The following EEF2K variants were observed in gnomAD, a reference collection of about 807,000 sequenced individuals.
EEF2K encodes the protein alternative protein EEF2K.
A neutral mutation model predicts 93.8 loss-of-function variants in EEF2K; 70 were observed. That is an observed-to-expected ratio of 0.75 (90% CI 0.62 to 0.91). The LOEUF (loss-of-function observed/expected upper bound fraction) is 0.91, where lower values mean the gene tolerates loss of function less well. Ranked by LOEUF, EEF2K falls within the 40% of genes least tolerant of loss-of-function variation. The pLI is 0.00. For missense variants in EEF2K, 935 were observed against 972.9 expected (o/e 0.96, Z 0.52); for synonymous variants, 376 against 380.8 (o/e 0.99, Z 0.15).
At position 22,251,236 on chromosome 16, in the gene EEF2K, C is replaced by G. The variant is rs748609190; in HGVS notation, c.532C>G (p.Arg178Gly). ...VAKRYIEPVD[R>G]DVYFEDVRLQ... ...GAAGCGCTACATCGAGCCCGTAGAC[C>G]GGGATGTGTACTTTGAGGACGTGCG... The change falls in exon 6 of 18, where the codon CGG (arginine) becomes GGG (glycine). Residue 178 changes from arginine to glycine, a missense_variant. By Grantham distance (125) the Arg-to-Gly change is moderately radical (BLOSUM62 -2). Transcript: ENST00000263026. 6.2e-7 allele frequency: 1 copy of G among 1,613,954 alleles called. No individual in the cohort carries two copies. The highest frequency in any genetic ancestry group is 8.5e-7 in the Non-Finnish European group (1 of 1,180,022).
At chr16:22,217,228 T>TAGAGAG (rs146522060) in intron 1 of EEF2K, among the ~76,000 whole-genome samples, 8,847 of 135,994 alleles carry the variant, frequency 0.065, 345 homozygotes, top group South Asian at 0.11. Flanking sequence ...GATAGATAGA[T>TAGAGAG]AGAGAGAGAG....
chr16:22,273,603 C>T (rs1438962689), intron 15 of EEF2K, 23 bp from the exon 16 acceptor site: 1 of 1,612,886 alleles, frequency 6.2e-7, no homozygotes, highest in South Asian at 1.1e-5. Context: ...TCTTCTTTCT[C>T]CCTCTTTGGT....
intron 1 of EEF2K, among the ~76,000 whole-genome samples, chr16:22,210,107 A>G (rs1181959933): frequency 6.6e-6 from 1 of 152,204 alleles, no homozygotes; most frequent in Non-Finnish European, 1.5e-5. Context: ...AGAAGGCTTC[A>G]GACAAAGGAA....
intron 11 of EEF2K, among the ~76,000 whole-genome samples, chr16:22,261,689 C>CA (rs540197847): frequency 0.033 from 2,881 of 87,910 alleles, 41 homozygotes; most frequent in African/African-American, 0.051. Context: ...GACTCAGTCT[C>CA]AAAAAAAAAA....
chr16:22,280,065 G>T, intron 16 of EEF2K, 133 bp from the exon 17 acceptor site: 1 of 798,618 alleles, frequency 1.3e-6, no homozygotes. Context: ...ATTGGCCTTG[G>T]ACAAGATAGG....
At chr16:22,239,703 C>T (rs1048348647) in intron 2 of EEF2K, among the ~76,000 whole-genome samples, 9 of 152,136 alleles carry the variant, frequency 5.9e-5, no homozygotes, top group Non-Finnish European at 8.8e-5. Context: ...CCCAGCTATT[C>T]GGGAAGCTGA....
intron 15 of EEF2K, among the ~76,000 whole-genome samples, chr16:22,269,411 CTA>C (rs1348761791): frequency 6.6e-6 from 1 of 151,732 alleles, no homozygotes; most frequent in Non-Finnish European, 1.5e-5. Context: ...CTTAATATAA[CTA>C]TTTTTTTTTT....
intron 1 of EEF2K, among the ~76,000 whole-genome samples, chr16:22,216,012 A>G (rs2046954845): frequency 6.6e-6 from 1 of 152,118 alleles, no homozygotes; most frequent in African/African-American, 2.4e-5. Flanking sequence ...GGGGGGAGGG[A>G]TGGAGACAGC....
Position 22,208,923 on chromosome 16 carries a change from G to A in EEF2K, c.-77+2244G>A, listed in dbSNP as rs2046889732. ...GTTTTGGCTGATGAAATGTGAGTGTGTCCATTTCAAGCCTCGACCCTAAAA... is the reference window on the plus strand; with the variant it reads ...GTTTTGGCTGATGAAATGTGAGTGTATCCATTTCAAGCCTCGACCCTAAAA... On this transcript the variant is annotated intron_variant, in intron 1 of 17. Coordinates refer to ENST00000263026, the MANE Select transcript of EEF2K (RefSeq NM_013302.5). Among the ~76,000 whole-genome samples the A allele has an allele frequency of 2.0e-5, 3 of 152,058 alleles. No individual in the cohort carries two copies. The South Asian group carries it at 6.2e-4, about 32-fold the overall frequency.
chr16:22,226,490 CTCTTTT>C (rs990787626), intron 2 of EEF2K, among the ~76,000 whole-genome samples: 3 of 137,344 alleles, frequency 2.2e-5, no homozygotes, highest in African/African-American at 8.8e-5. Context: ...TTCTCTTTCT[CTCTTTT>C]TCTTTCTTTT....
chr16:22,283,328 A>T (rs189396086), intron 17 of EEF2K, among the ~76,000 whole-genome samples: 1 of 142,926 alleles, frequency 7.0e-6, no homozygotes, highest in Admixed American at 6.9e-5. Context: ...AAAAAAAAAA[A>T]AAGAAGAAGA....
chr16:22,284,640 A>G lies in EEF2K; in HGVS notation c.*644A>G, dbSNP rs1406490612. The G allele has an allele frequency of 6.6e-6, 1 of 151,096 alleles. No homozygotes were observed. The highest frequency in any genetic ancestry group is 1.5e-5 in the Non-Finnish European group (1 of 67,918). 9.4% of individuals were successfully genotyped at this position (151,096 alleles called of 1,614,324 possible). On this transcript the variant is annotated 3_prime_UTR_variant, in exon 18 of 18. Coordinates refer to ENST00000263026, the MANE Select transcript of EEF2K (RefSeq NM_013302.5). ...TTTTTTTTTGTCACGAGATATAAGAAAGTGCTTTTTGCCTTGAATGGACAA... is the reference window on the plus strand; with the variant it reads ...TTTTTTTTTGTCACGAGATATAAGAGAGTGCTTTTTGCCTTGAATGGACAA...
At chr16:22,234,055 C>G (rs947870588) in intron 2 of EEF2K, among the ~76,000 whole-genome samples, 15 of 152,208 alleles carry the variant, frequency 9.9e-5, no homozygotes, top group African/African-American at 3.6e-4. Flanking sequence ...GTGCATGTGT[C>G]TTTGCACCCA....
intron 15 of EEF2K, among the ~76,000 whole-genome samples, chr16:22,273,160 T>C (rs1013336197): frequency 4.6e-5 from 7 of 152,238 alleles, no homozygotes; most frequent in Non-Finnish European, 1.0e-4. Context: ...CATGACTGCT[T>C]CTACGGAATA....
intron 7 of EEF2K, 55 bp from the exon 8 acceptor site, chr16:22,257,198 T>G (rs1369477898): frequency 3.8e-5 from 61 of 1,612,272 alleles, no homozygotes; most frequent in Non-Finnish European, 8.5e-7. Context: ...GGCCAGTGCC[T>G]GCACAGACCT....
chr16:22,237,816 C>T (rs1394754601), intron 2 of EEF2K, among the ~76,000 whole-genome samples: 1 of 152,122 alleles, frequency 6.6e-6, no homozygotes, highest in African/African-American at 2.4e-5. Flanking sequence ...ATATAAATTA[C>T]TTTTCAGACC....
chr16:22,235,731 C>T (rs1413166193), intron 2 of EEF2K, among the ~76,000 whole-genome samples: 1 of 152,098 alleles, frequency 6.6e-6, no homozygotes, highest in African/African-American at 2.4e-5. Context: ...CTCCTGACGT[C>T]AGGTGATCTG....
intron 4 of EEF2K, among the ~76,000 whole-genome samples, chr16:22,249,152 T>C (rs2047324417): frequency 6.6e-6 from 1 of 151,804 alleles, no homozygotes; most frequent in Non-Finnish European, 1.5e-5. Flanking sequence ...TTATTTTTTA[T>C]AGAGACATGG....
chr16:22,244,742 G>A lies in EEF2K; in HGVS notation c.347+12G>A. The A allele has an allele frequency of 6.2e-7, 1 of 1,613,690 alleles. No individual in the cohort carries two copies. The highest frequency in any genetic ancestry group is 8.5e-7 in the Non-Finnish European group (1 of 1,179,734). On this transcript the variant is annotated intron_variant, in intron 3 of 17. Transcript: ENST00000263026. ...GCTACTCGACACAGGTCAGCAGCTT[G>A]TGTGGGGTCTCGAGGAGTCCTGGGG...
Sources: gnomAD v4.1 joint callset for allele counts (sites outside exome capture counted in the v4.1 genomes callset) on GRCh38, gnomAD v4.1.1 for gene constraint, MANE v1.5 for transcripts, NCBI Gene and HGNC (gene_info 2026-07-23, HGNC 2026-07-21) for gene names.